The following ATP10B variants were observed in gnomAD, a reference collection of about 807,000 sequenced individuals.
The protein encoded by ATP10B is phospholipid-transporting ATPase VB.
Under a neutral mutation model 141.2 loss-of-function variants are expected in ATP10B, and 122 were observed. The observed-to-expected ratio is 0.86, with a 90% CI of 0.75 to 1.00. ATP10B has a LOEUF of 1.00. ATP10B is among the 50% of genes least tolerant of loss of function. The pLI, the probability that ATP10B is intolerant of heterozygous loss-of-function variation, is 0.00. For synonymous variants in ATP10B, 685 were observed against 692.0 expected (o/e 0.99, Z 0.16); for missense variants, 1,876 against 1,825.3 (o/e 1.03, Z -0.51).
At chr5:160,817,727 C>T (rs1385472743) in intron 1 of ATP10B, among the ~76,000 whole-genome samples, 1 of 152,194 alleles carries the variant, frequency 6.6e-6, no homozygotes, top group East Asian at 1.9e-4. Context: ...CTGGAGGCAT[C>T]ACGCTACCTG....
chr5:160,878,831 A>G, the ATP10B span, among the ~76,000 whole-genome samples: 1 of 150,630 alleles, frequency 6.6e-6, no homozygotes, highest in African/African-American at 2.4e-5. Flanking sequence ...CAAAACCACA[A>G]TGAGATACCA....
At chr5:160,807,087 T>C (rs1221049758) in intron 1 of ATP10B, among the ~76,000 whole-genome samples, 2 of 152,174 alleles carry the variant, frequency 1.3e-5, no homozygotes, top group Non-Finnish European at 2.9e-5. Flanking sequence ...ACGATACATA[T>C]ACCTGTTAAA....
intron 1 of ATP10B, among the ~76,000 whole-genome samples, chr5:160,798,820 A>AG (rs1385430215): frequency 1.4e-5 from 2 of 141,864 alleles, no homozygotes; most frequent in Non-Finnish European, 3.0e-5. Flanking sequence ...GTATGATCTC[A>AG]GCTCACTGCA....
chr5:160,584,932 T>A (rs1302661753), intron 24 of ATP10B, among the ~76,000 whole-genome samples: 1 of 152,228 alleles, frequency 6.6e-6, no homozygotes, highest in African/African-American at 2.4e-5. Flanking sequence ...GCATAGCTGT[T>A]CCTTTTCAAG....
At position 160,812,020 on chromosome 5, in the gene ATP10B, C is replaced by CACAGAG. The variant is rs1211580744; in HGVS notation, c.-575-26218_-575-26217insCTCTGT. ...AGAGAGACAGAGACAGAGACAGAGA[C>CACAGAG]AGAGAGAGAGAGAGAGAGAGAGAGA... On this transcript the variant is annotated intron_variant, in intron 1 of 25. Coordinates refer to ENST00000327245, the MANE Select transcript of ATP10B (RefSeq NM_025153.3). Among the ~76,000 whole-genome samples, 1,096 of 111,500 alleles carry CACAGAG rather than the reference C, an allele frequency of 9.8e-3. 16 individuals are homozygous for CACAGAG. The highest frequency in any genetic ancestry group is 0.018 in the South Asian group (57 of 3,182). The allele number at this position is 111,500 out of a possible 152,430, so 73.1% of individuals were successfully genotyped here.
At chr5:160,722,396 G>A (rs551797572) in intron 2 of ATP10B, among the ~76,000 whole-genome samples, 2 of 152,286 alleles carry the variant, frequency 1.3e-5, no homozygotes, top group African/African-American at 2.4e-5. Context: ...ACTGTCATGT[G>A]TTCTGCCTAT....
chr5:160,874,526 T>C, the ATP10B span, among the ~76,000 whole-genome samples: 1 of 152,050 alleles, frequency 6.6e-6, no homozygotes, highest in Admixed American at 6.5e-5. Flanking sequence ...GGACCAAAGC[T>C]GGATGGAGAA....
In ATP10B at chr5:160,688,933, T is replaced by A; in HGVS notation, c.-194A>T. On this transcript the variant is annotated 5_prime_UTR_variant, in exon 4 of 26. It removes an upstream start codon present in the reference 5' UTR. Coordinates refer to ENST00000327245, the MANE Select transcript of ATP10B (RefSeq NM_025153.3). ...ATCCCTTTTCTTTTTCTCCACTCCA[T>A]TTGGTGGTTTCTGAAACCAAGTACT... The A allele has an allele frequency of 1.0e-6, 1 of 985,420 alleles. No individual in the cohort carries two copies. The highest frequency in any genetic ancestry group is 1.2e-6 in the Non-Finnish European group (1 of 829,944). 61.0% of individuals were successfully genotyped at this position (985,420 alleles called of 1,614,324 possible). A position where few individuals can be genotyped will look rare whatever the true frequency, so the allele number is the denominator to read the frequency against.
intron 7 of ATP10B, among the ~76,000 whole-genome samples, chr5:160,668,832 T>C (rs144897892): frequency 1.2e-3 from 186 of 152,330 alleles, no homozygotes; most frequent in African/African-American, 3.3e-3. Context: ...TCCCATGATA[T>C]GCATGAGAGA....
chr5:160,904,666 AATAATG>A, the ATP10B span, among the ~76,000 whole-genome samples: 14 of 152,224 alleles, frequency 9.2e-5, no homozygotes, highest in Non-Finnish European at 1.2e-4. Flanking sequence ...AATTATGTAC[AATAATG>A]TATCTATAAT....
the ATP10B span, among the ~76,000 whole-genome samples, chr5:160,898,552 G>A: frequency 1.3e-5 from 2 of 152,216 alleles, no homozygotes; most frequent in South Asian, 4.1e-4. Context: ...TGGTGAGAGT[G>A]TAAATTAGTT....
At chr5:160,630,680 T>C (rs1162294041) in intron 13 of ATP10B, among the ~76,000 whole-genome samples, 1 of 152,162 alleles carries the variant, frequency 6.6e-6, no homozygotes, top group Admixed American at 6.5e-5. Flanking sequence ...ACCTTGTTAT[T>C]ATCTCGTTTG....
chr5:160,620,666 C>T lies in ATP10B; in HGVS notation c.2097G>A (p.Leu699=), dbSNP rs956845918. ...DILESGSGTS[L]EEALEAPATD... ...TGGCTGGGGCCTCCAATGCCTCCTC[C>T]AAGGAAGTGCCTGACCCAGACTCCA... The change falls in exon 15 of 26, where the codon TTG becomes TTA. Residue 699 remains leucine, a synonymous_variant. Transcript: ENST00000327245. 46 of 1,613,532 alleles carry T rather than the reference C, an allele frequency of 2.9e-5. No individual in the cohort carries two copies. The highest frequency in any genetic ancestry group is 3.9e-5 in the Non-Finnish European group (46 of 1,179,610).
At chr5:160,663,069 C>T (rs1202505720) in intron 7 of ATP10B, among the ~76,000 whole-genome samples, 2 of 152,098 alleles carry the variant, frequency 1.3e-5, no homozygotes, top group African/African-American at 2.4e-5. Context: ...CAGAGAAATG[C>T]AAATCAAAAC....
At chr5:160,663,970 A>C (rs1762155039) in intron 7 of ATP10B, among the ~76,000 whole-genome samples, 1 of 152,114 alleles carries the variant, frequency 6.6e-6, no homozygotes. Flanking sequence ...GAAATAATAG[A>C]TATAGAACAC....
At chr5:160,868,655 C>A in the ATP10B span, among the ~76,000 whole-genome samples, 1 of 151,458 alleles carries the variant, frequency 6.6e-6, no homozygotes, top group Non-Finnish European at 1.5e-5. Context: ...CTGGACAAAT[C>A]AATAGCATGA....
At chr5:160,887,919 A>G in the ATP10B span, among the ~76,000 whole-genome samples, 1 of 152,158 alleles carries the variant, frequency 6.6e-6, no homozygotes, top group Non-Finnish European at 1.5e-5. Context: ...CTGCTAACCT[A>G]TGATATTGTT....
At chr5:160,685,223 C>T (rs1417171208) in intron 6 of ATP10B, 1 of 592,174 alleles carries the variant, frequency 1.7e-6, no homozygotes, top group African/African-American at 1.9e-5. Flanking sequence ...TTTTTCATCT[C>T]TGCTCAATGT....
intron 1 of ATP10B, among the ~76,000 whole-genome samples, chr5:160,805,336 A>G (rs1289675229): frequency 1.3e-5 from 2 of 152,220 alleles, no homozygotes; most frequent in Non-Finnish European, 2.9e-5. Flanking sequence ...TCCTCAGCGT[A>G]TCCACATTAA....
Sources: gnomAD v4.1 joint callset for allele counts (sites outside exome capture counted in the v4.1 genomes callset) on GRCh38, gnomAD v4.1.1 for gene constraint, MANE v1.5 for transcripts, NCBI Gene and HGNC (gene_info 2026-07-23, HGNC 2026-07-21) for gene names.